ADO: variants seen among roughly 807,000 people sequenced by gnomAD.
ADO encodes 2-aminoethanethiol (cysteamine) dioxygenase.
Under a neutral mutation model 16.6 loss-of-function variants are expected in ADO, and 9 were observed. The ratio of observed to expected loss-of-function variants is 0.54; its 90% CI spans 0.33 to 0.95. The LOEUF (loss-of-function observed/expected upper bound fraction) is 0.95. Ranked by LOEUF, ADO falls within the 40% of genes least tolerant of loss-of-function variation. The probability of loss-of-function intolerance (pLI) is 0.03; values close to 1 mark genes in which losing one functional copy is unlikely to be tolerated. For synonymous variants in ADO, 189 were observed against 179.6 expected (o/e 1.05, Z -0.42); for missense variants, 356 against 386.4 (o/e 0.92, Z 0.66).
chr10:62,807,394 T>C lies in ADO; in HGVS notation c.*1522T>C, dbSNP rs1319371931. The C allele has an allele frequency of 6.0e-6, 1 of 167,176 alleles. No individual in the cohort carries two copies. The highest frequency in any genetic ancestry group is 6.5e-5 in the Admixed American group (1 of 15,290). The allele number at this position is 167,176 out of a possible 1,614,324, so 10.4% of individuals were successfully genotyped here. On this transcript the variant is annotated 3_prime_UTR_variant, in exon 1 of 1. Transcript: ENST00000373783. ...TGCCCAAGTGGCAATAGAGTTCTAATATCTATAATAAAGGGAGATTTGCTA... is the reference window on the plus strand; with the variant it reads ...TGCCCAAGTGGCAATAGAGTTCTAACATCTATAATAAAGGGAGATTTGCTA...
rs1842048713 is a variant in ADO at position 62,805,926 on chromosome 10, G to A, written c.*54G>A. On this transcript the variant is annotated 3_prime_UTR_variant, in exon 1 of 1. Coordinates refer to ENST00000373783, the MANE Select transcript of ADO (RefSeq NM_032804.6). The surrounding 1 kb of genome is among the most constrained non-coding windows in gnomAD (Gnocchi z 6.4). ...GAAGACGTGCCCTACCCTACCACAA[G>A]GGCTGTGTCTCTACCCCCTAGCCTG... is the stretch of plus-strand genomic sequence containing the variant. 1 of 1,411,224 alleles carries A rather than the reference G, an allele frequency of 7.1e-7. No homozygotes were observed. Among genetic ancestry groups the A allele is most frequent in the Non-Finnish European group, 9.3e-7 (1 of 1,071,494 alleles). The allele number at this position is 1,411,224 out of a possible 1,614,324, so 87.4% of individuals were successfully genotyped here.
In ADO at chr10:62,804,730, C is replaced by G; in HGVS notation, c.-330C>G. ...CTCCGCAGGGTCCCCGGGCGCCCGG[C>G]CACCGTCGTAGGTGCGGGCCGCATG... On this transcript the variant is annotated 5_prime_UTR_variant, in exon 1 of 1. Coordinates refer to ENST00000373783, the MANE Select transcript of ADO (RefSeq NM_032804.6). 5.2e-6 allele frequency: 1 copy of G among 193,356 alleles called. No individual in the cohort carries two copies. The highest frequency in any genetic ancestry group is 1.0e-5 in the Non-Finnish European group (1 of 95,284). The allele number at this position is 193,356 out of a possible 1,614,324, so 12.0% of individuals were successfully genotyped here.
At position 62,805,455 on chromosome 10, in the gene ADO, C is replaced by T. The variant is rs756330689; in HGVS notation, c.396C>T (p.Cys132=). 3.9e-6 allele frequency: 6 copies of T among 1,552,460 alleles called. No homozygotes were observed. The highest frequency in any genetic ancestry group is 4.8e-5 in the East Asian group (2 of 41,484). ...KVLYGTVRIS[C]MDKLDAGGGQ... is the part of the protein sequence containing the mutation. ...TGTACGGCACCGTGCGCATCAGCTG[C>T]ATGGACAAGCTAGACGCGGGCGGCG... Residue 132 remains cysteine (C), a synonymous_variant, in exon 1 of 1, where the codon TGC becomes TGT. Coordinates refer to ENST00000373783, the MANE Select transcript of ADO (RefSeq NM_032804.6). The surrounding 1 kb of genome is among the most constrained non-coding windows in gnomAD (Gnocchi z 6.4).
rs1323130456 is a variant in ADO, at chr10:62,806,735, A to G, written c.*863A>G. ...TTAAAAGGTGATAGAGTAATTCTGT[A>G]TTTTCTAACGGGAAGATTCAAAGGA... On this transcript the variant is annotated 3_prime_UTR_variant, in exon 1 of 1. Coordinates refer to ENST00000373783, the MANE Select transcript of ADO (RefSeq NM_032804.6). 1.2e-5 allele frequency: 2 copies of G among 167,014 alleles called. No individual in the cohort carries two copies. Among genetic ancestry groups the G allele is most frequent in the Non-Finnish European group, 2.9e-5 (2 of 68,104 alleles). 10.3% of individuals were successfully genotyped at this position (167,014 alleles called of 1,614,324 possible).
Position 62,804,754 on chromosome 10 carries a change from T to G in ADO, c.-306T>G. The G allele has an allele frequency of 2.4e-5, 5 of 204,828 alleles. No individual in the cohort carries two copies. Among genetic ancestry groups the G allele is most frequent in the Admixed American group, 5.9e-5 (1 of 16,874 alleles). The allele number at this position is 204,828 out of a possible 1,614,324, so 12.7% of individuals were successfully genotyped here. A position where few individuals can be genotyped will look rare whatever the true frequency, so the allele number is the denominator to read the frequency against. On this transcript the variant is annotated 5_prime_UTR_variant, in exon 1 of 1. It removes an upstream start codon present in the reference 5' UTR. Transcript: ENST00000373783. ...GCCACCGTCGTAGGTGCGGGCCGCA[T>G]GAATGGAGCGCCGGGCGTAAGGCAA...
rs1171179189 is a variant in ADO, at chr10:62,805,898, G to A, written c.*26G>A. The A allele has an allele frequency of 6.8e-7, 1 of 1,462,492 alleles. No homozygotes were observed. The highest frequency in any genetic ancestry group is 9.1e-7 in the Non-Finnish European group (1 of 1,102,850). The allele number at this position is 1,462,492 out of a possible 1,614,324, so 90.6% of individuals were successfully genotyped here. A position where few individuals can be genotyped will look rare whatever the true frequency, so the allele number is the denominator to read the frequency against. ...AGCCACTGGCGCCCAGGAGCGGTGGGCCGAAGACGTGCCCTACCCTACCAC... is the reference window on the plus strand; with the variant it reads ...AGCCACTGGCGCCCAGGAGCGGTGGACCGAAGACGTGCCCTACCCTACCAC... On this transcript the variant is annotated 3_prime_UTR_variant, in exon 1 of 1. Transcript: ENST00000373783. This position sits in a 1 kb window ranked among gnomAD's most constrained non-coding sequence, Gnocchi z 6.4.
In ADO at chr10:62,806,620, G is replaced by C. The variant is rs1019726692; in HGVS notation, c.*748G>C. 6.0e-6 allele frequency: 1 copy of C among 167,232 alleles called. No homozygotes were observed. The highest frequency in any genetic ancestry group is 1.5e-5 in the Non-Finnish European group (1 of 68,124). The allele number at this position is 167,232 out of a possible 1,614,324, so 10.4% of individuals were successfully genotyped here. A position where few individuals can be genotyped will look rare whatever the true frequency, so the allele number is the denominator to read the frequency against. Reference sequence around the variant, plus strand: ...ATCTTCCCTATGAATCTCCAGATCTGTGAGTCGAGCAGATTTCATGTTGCA... The same window carrying C: ...ATCTTCCCTATGAATCTCCAGATCTCTGAGTCGAGCAGATTTCATGTTGCA... On this transcript the variant is annotated 3_prime_UTR_variant, in exon 1 of 1. Coordinates refer to ENST00000373783, the MANE Select transcript of ADO (RefSeq NM_032804.6).
At position 62,806,683 on chromosome 10, in the gene ADO, T is replaced by C. The variant is rs958284791; in HGVS notation, c.*811T>C. ...ATGCAAAGACTGTATTATCCTCACA[T>C]GACTTTTTTTCTTGTCTTACTGTAC... is the stretch of plus-strand genomic sequence containing the variant. On this transcript the variant is annotated 3_prime_UTR_variant, in exon 1 of 1. Transcript: ENST00000373783. 4.2e-5 allele frequency: 7 copies of C among 167,234 alleles called. No homozygotes were observed. The highest frequency in any genetic ancestry group is 1.7e-4 in the African/African-American group (7 of 41,454). The allele number at this position is 167,234 out of a possible 1,614,324, so 10.4% of individuals were successfully genotyped here. A position where few individuals can be genotyped will look rare whatever the true frequency, so the allele number is the denominator to read the frequency against.
rs1176179630 is a variant in ADO at position 62,806,273 on chromosome 10, C to T, written c.*401C>T. On this transcript the variant is annotated 3_prime_UTR_variant, in exon 1 of 1. Transcript: ENST00000373783. ...TTATTTTCCACTCATGCCCTTATGC[C>T]TTTTTTTCTTATAGTTTTTTAACTT... The T allele has an allele frequency of 1.7e-5, 3 of 179,550 alleles. No homozygotes were observed. The highest frequency in any genetic ancestry group is 3.9e-5 in the Non-Finnish European group (3 of 76,958). The allele number at this position is 179,550 out of a possible 1,614,324, so 11.1% of individuals were successfully genotyped here. A position where few individuals can be genotyped will look rare whatever the true frequency, so the allele number is the denominator to read the frequency against.
Position 62,805,413 on chromosome 10 carries a change from C to A in ADO, c.354C>A (p.His118Gln). ...CGCTGCACGACCACCCGGGCATGCA[C>A]GGCATGCTCAAGGTGCTGTACGGCA... ...SIPLHDHPGM[H>Q]GMLKVLYGTV... The change falls in exon 1 of 1, where the codon CAC becomes CAA. Residue 118 changes from histidine to glutamine, a missense_variant. By Grantham distance (24) the His-to-Gln change is conservative. Transcript: ENST00000373783. The surrounding 1 kb of genome is among the most constrained non-coding windows in gnomAD (Gnocchi z 6.4). 1 of 1,580,832 alleles carries A rather than the reference C, an allele frequency of 6.3e-7. No homozygotes were observed. The highest frequency in any genetic ancestry group is 1.1e-5 in the South Asian group (1 of 87,944).
Position 62,805,040 on chromosome 10 carries a change from A to C in ADO, c.-20A>C, listed in dbSNP as rs1842033610. On this transcript the variant is annotated 5_prime_UTR_variant, in exon 1 of 1. Coordinates refer to ENST00000373783, the MANE Select transcript of ADO (RefSeq NM_032804.6). This position sits in a 1 kb window ranked among gnomAD's most constrained non-coding sequence, Gnocchi z 6.4. ...AGGAAAGGAGGGGGCCGGTCCCGGCACGCAGAGGAGCAGCCGACCATGCCC... is the reference window on the plus strand; with the variant it reads ...AGGAAAGGAGGGGGCCGGTCCCGGCCCGCAGAGGAGCAGCCGACCATGCCC... The C allele has an allele frequency of 1.4e-6, 2 of 1,444,402 alleles. No homozygotes were observed. The highest frequency in any genetic ancestry group is 1.8e-6 in the Non-Finnish European group (2 of 1,101,120). The allele number at this position is 1,444,402 out of a possible 1,614,324, so 89.5% of individuals were successfully genotyped here.
chr10:62,804,749 C>T lies in ADO; in HGVS notation c.-311C>T, dbSNP rs970288869. 2 of 205,994 alleles carry T rather than the reference C, an allele frequency of 9.7e-6. No homozygotes were observed. The highest frequency in any genetic ancestry group is 1.9e-5 in the Non-Finnish European group (2 of 103,698). 12.8% of individuals were successfully genotyped at this position (205,994 alleles called of 1,614,324 possible). On this transcript the variant is annotated 5_prime_UTR_variant, in exon 1 of 1. Transcript: ENST00000373783. ...GCCCGGCCACCGTCGTAGGTGCGGG[C>T]CGCATGAATGGAGCGCCGGGCGTAA...
In ADO at chr10:62,805,161, C is replaced by T. The variant is rs538620100; in HGVS notation, c.102C>T (p.Asp34=). 6.3e-6 allele frequency: 10 copies of T among 1,591,634 alleles called. No homozygotes were observed. The East Asian group carries it at 2.0e-4, about 32-fold the overall frequency. The change falls in exon 1 of 1, where the codon GAC becomes GAT. Residue 34 remains aspartate, a synonymous_variant. Coordinates refer to ENST00000373783, the MANE Select transcript of ADO (RefSeq NM_032804.6). This position sits in a 1 kb window ranked among gnomAD's most constrained non-coding sequence, Gnocchi z 6.4. ...GCGGCCGCGGCGCTTCCGATCGCGA[C>T]GCGGCTTCTGGCCCGGAGGCGCCGA... ...SGGGRGASDR[D]AASGPEAPMQ... is the part of the protein sequence containing the mutation.
Position 62,804,984 on chromosome 10 carries a change from C to A in ADO, c.-76C>A. ...CGCCTCGACCCGGGCTGGGGGCAGCCGTGGCGGCCGCCGGGGACCGCAAGG... is the reference window on the plus strand; with the variant it reads ...CGCCTCGACCCGGGCTGGGGGCAGCAGTGGCGGCCGCCGGGGACCGCAAGG... On this transcript the variant is annotated 5_prime_UTR_variant, in exon 1 of 1. Transcript: ENST00000373783. 1 of 1,326,404 alleles carries A rather than the reference C, an allele frequency of 7.5e-7. No individual in the cohort carries two copies. Among genetic ancestry groups the A allele is most frequent in the Non-Finnish European group, 9.7e-7 (1 of 1,029,248 alleles). 82.2% of individuals were successfully genotyped at this position (1,326,404 alleles called of 1,614,324 possible). A position where few individuals can be genotyped will look rare whatever the true frequency, so the allele number is the denominator to read the frequency against.
At position 62,807,279 on chromosome 10, in the gene ADO, G is replaced by GT. The variant is rs1842062910; in HGVS notation, c.*1413dup. 2 of 167,102 alleles carry GT rather than the reference G, an allele frequency of 1.2e-5. No homozygotes were observed. Among genetic ancestry groups the GT allele is most frequent in the Admixed American group, 6.5e-5 (1 of 15,272 alleles). The allele number at this position is 167,102 out of a possible 1,614,324, so 10.4% of individuals were successfully genotyped here. A position where few individuals can be genotyped will look rare whatever the true frequency, so the allele number is the denominator to read the frequency against. On this transcript the variant is annotated 3_prime_UTR_variant, in exon 1 of 1. Transcript: ENST00000373783. ...CCCTTTTTACTATTTATAGGATTCCGTTTTTTCACAAGACTTTTAATAAAA... is the reference window on the plus strand; with the variant it reads ...CCCTTTTTACTATTTATAGGATTCCGTTTTTTTCACAAGACTTTTAATAAAA...
In ADO at chr10:62,805,985, T is replaced by G; in HGVS notation, c.*113T>G. 1.2e-6 allele frequency: 1 copy of G among 855,330 alleles called. No individual in the cohort carries two copies. The highest frequency in any genetic ancestry group is 1.5e-6 in the Non-Finnish European group (1 of 663,776). The allele number at this position is 855,330 out of a possible 1,614,324, so 53.0% of individuals were successfully genotyped here. Reference sequence around the variant, plus strand: ...ATCTACTGGAATGAGCAGCAGCCGCTTCCTCGGCAGCCTTGGGAAGCACGG... The same window carrying G: ...ATCTACTGGAATGAGCAGCAGCCGCGTCCTCGGCAGCCTTGGGAAGCACGG... On this transcript the variant is annotated 3_prime_UTR_variant, in exon 1 of 1. Transcript: ENST00000373783. The surrounding 1 kb of genome is among the most constrained non-coding windows in gnomAD (Gnocchi z 6.4).
In ADO at chr10:62,805,402, C is replaced by A; in HGVS notation, c.343C>A (p.Pro115Thr). The change falls in exon 1 of 1, where the codon CCG becomes ACG. Residue 115 changes from proline to threonine, a missense_variant. Physicochemically the swap from Pro to Thr is conservative, Grantham distance 38 (BLOSUM62 -1). Coordinates refer to ENST00000373783, the MANE Select transcript of ADO (RefSeq NM_032804.6). The surrounding 1 kb of genome is among the most constrained non-coding windows in gnomAD (Gnocchi z 6.4). Reference protein sequence around the residue: ...SGTSIPLHDHPGMHGMLKVLY... With the variant: ...SGTSIPLHDHTGMHGMLKVLY... ...CACGTCCATCCCGCTGCACGACCAC[C>A]CGGGCATGCACGGCATGCTCAAGGT... The A allele has an allele frequency of 1.9e-6, 3 of 1,587,856 alleles. No homozygotes were observed. Among genetic ancestry groups the A allele is most frequent in the Non-Finnish European group, 2.6e-6 (3 of 1,170,482 alleles).
In ADO at chr10:62,805,075, A is replaced by G. The variant is rs1842034143; in HGVS notation, c.16A>G (p.Met6Val). 2 of 1,509,256 alleles carry G rather than the reference A, an allele frequency of 1.3e-6. No individual in the cohort carries two copies. The highest frequency in any genetic ancestry group is 1.4e-5 in the African/African-American group (1 of 70,632). The allele number at this position is 1,509,256 out of a possible 1,614,324, so 93.5% of individuals were successfully genotyped here. MPRDN[M>V]ASLIQRIARQ... ...GCAGCCGACCATGCCCCGAGACAAC[A>G]TGGCCTCCTTGATCCAACGGATCGC... Residue 6 changes from methionine (M) to valine (V), a missense_variant, in exon 1 of 1, where the codon ATG becomes GTG. Coordinates refer to ENST00000373783, the MANE Select transcript of ADO (RefSeq NM_032804.6). The surrounding 1 kb of genome is among the most constrained non-coding windows in gnomAD (Gnocchi z 6.4).
Position 62,805,359 on chromosome 10 carries a change from G to A in ADO, c.300G>A (p.Val100=). Residue 100 remains valine, a synonymous_variant, in exon 1 of 1, where the codon GTG becomes GTA. Transcript: ENST00000373783. This position sits in a 1 kb window ranked among gnomAD's most constrained non-coding sequence, Gnocchi z 6.4. ...IYETDGFSLG[V]FLLKSGTSIP... ...AGACGGACGGCTTCAGCCTGGGCGT[G>A]TTCCTGCTCAAGAGCGGCACGTCCA... 6 of 1,601,744 alleles carry A rather than the reference G, an allele frequency of 3.7e-6. No individual in the cohort carries two copies. Among genetic ancestry groups the A allele is most frequent in the Non-Finnish European group, 4.2e-6 (5 of 1,177,706 alleles).
Sources: allele counts gnomAD v4.1 joint callset, GRCh38; gene constraint gnomAD v4.1.1; non-coding constraint Gnocchi (gnomAD v3.1); transcripts MANE v1.5; gene names NCBI Gene and HGNC (gene_info 2026-07-23, HGNC 2026-07-21).